Variants in PCDH11X observed in about 807,000 individuals in gnomAD.
PCDH11X encodes protocadherin 11 X-linked, also known as protocadherin-11 X-linked.
A neutral mutation model predicts 53.3 loss-of-function variants in PCDH11X; 18 were observed. The observed-to-expected ratio is 0.34, with a 90% confidence interval of 0.23 to 0.50. The LOEUF (loss-of-function observed/expected upper bound fraction) is 0.50. Among genes scored for constraint, PCDH11X ranks in the 20% least tolerant of loss-of-function variants. The pLI is 0.98. For synonymous variants in PCDH11X, 279 were observed against 393.3 expected, an observed-to-expected ratio of 0.71 and a Z score of 3.44; for missense variants, 570 against 1,032.4, an observed-to-expected ratio of 0.55 and a Z score of 6.14.
intron 8 of PCDH11X, among the ~76,000 whole-genome samples, chrX:92,327,322 G>C (rs1206990536): frequency 1.7e-5 from 1 of 59,916 alleles, no homozygotes; most frequent in Admixed American, 2.3e-4. Flanking sequence ...AATAAATGAT[G>C]CTTTAAAAAA....
intron 6 of PCDH11X, among the ~76,000 whole-genome samples, chrX:91,884,207 A>T (rs963738802): frequency 4.6e-5 from 5 of 109,192 alleles, no homozygotes; most frequent in African/African-American, 1.3e-4. Context: ...AAAAAAAAAA[A>T]AAAAAGAAAA....
intron 7 of PCDH11X, among the ~76,000 whole-genome samples, chrX:92,204,152 G>A (rs1005532831): frequency 8.9e-6 from 1 of 111,748 alleles, no homozygotes; most frequent in Admixed American, 9.5e-5. Context: ...GGCAGGGGCT[G>A]CCAGGAAGGT....
chrX:91,829,279 A>T (rs1209841058), intron 4 of PCDH11X, among the ~76,000 whole-genome samples: 2 of 109,419 alleles, frequency 1.8e-5, no homozygotes, highest in African/African-American at 6.8e-5. Context: ...TAAAACTCAT[A>T]GATATAATAC....
intron 6 of PCDH11X, among the ~76,000 whole-genome samples, chrX:91,920,363 A>G (rs1941702510): frequency 9.1e-6 from 1 of 109,666 alleles, no homozygotes; most frequent in Admixed American, 9.7e-5. Flanking sequence ...CATTTTCTCT[A>G]GAGCCTTCTA....
intron 6 of PCDH11X, among the ~76,000 whole-genome samples, chrX:92,039,674 T>C (rs2063181573): frequency 8.9e-6 from 1 of 111,868 alleles, no homozygotes; most frequent in South Asian, 3.7e-4. Context: ...GGCCTGGACT[T>C]AGGGACCCCA....
chrX:92,533,204 A>G (rs1163966252), intron 10 of PCDH11X, among the ~76,000 whole-genome samples: 3 of 111,592 alleles, frequency 2.7e-5, no homozygotes, highest in African/African-American at 9.8e-5. Context: ...CATAGCCATA[A>G]TACTTGTGAT....
intron 4 of PCDH11X, among the ~76,000 whole-genome samples, chrX:91,822,305 G>A (rs1936720453): frequency 9.5e-6 from 1 of 105,377 alleles, no homozygotes; most frequent in Non-Finnish European, 1.9e-5. Context: ...ATCTGGTCCT[G>A]GACTCTTTTT....
At chrX:92,227,706 T>C (rs1178858594) in intron 7 of PCDH11X, among the ~76,000 whole-genome samples, 1 of 111,054 alleles carries the variant, frequency 9.0e-6, no homozygotes, top group African/African-American at 3.3e-5. Context: ...AGTAAAACCA[T>C]TAGAGTTTCA....
intron 6 of PCDH11X, among the ~76,000 whole-genome samples, chrX:92,034,532 C>A (rs1415910377): frequency 4.7e-5 from 5 of 106,811 alleles, no homozygotes; most frequent in African/African-American, 1.7e-4. Context: ...GCCTTGAAAT[C>A]CATTTTGTCT....
rs201666869 is a variant in PCDH11X, at chrX:92,045,938, CA to C, written c.3034-155425del. Among the ~76,000 whole-genome samples, 145 of 90,491 alleles carry C rather than the reference CA, an allele frequency of 1.6e-3. 1 individual carries two copies. Among genetic ancestry groups the C allele is most frequent in the East Asian group, 6.2e-3 (17 of 2,763 alleles). The allele number at this position is 90,491 out of a possible 115,157, so 78.6% of individuals were successfully genotyped here. A position where few individuals can be genotyped will look rare whatever the true frequency, so the allele number is the denominator to read the frequency against. ...TGAGCAACAGAGCGAGACTCCATTA[CA>C]AAAAAAAAAAAGGAACAACACTTTC... is the stretch of plus-strand genomic sequence containing the variant. On this transcript the variant is annotated intron_variant, in intron 6 of 10. Transcript: ENST00000682573.
chrX:92,062,914 C>T (rs1479837660), intron 6 of PCDH11X, among the ~76,000 whole-genome samples: 1 of 111,456 alleles, frequency 9.0e-6, no homozygotes, highest in Non-Finnish European at 1.9e-5. Flanking sequence ...TGTTGCAGCA[C>T]TGTTCACAAT....
intron 9 of PCDH11X, among the ~76,000 whole-genome samples, chrX:92,425,800 A>G (rs1294827798): frequency 7.5e-5 from 6 of 80,500 alleles, no homozygotes; most frequent in Admixed American, 3.0e-4. Context: ...AGCTAAGTAG[A>G]CTGAGAAGAG....
chrX:92,251,611 A>G (rs757200205), intron 7 of PCDH11X, among the ~76,000 whole-genome samples: 102 of 111,142 alleles, frequency 9.2e-4, no homozygotes, highest in Non-Finnish European at 1.5e-3. Flanking sequence ...TGAGAATAAT[A>G]TTTTGCCCAC....
chrX:92,218,561 T>C (rs1186396508), intron 7 of PCDH11X, among the ~76,000 whole-genome samples: 1 of 110,679 alleles, frequency 9.0e-6, no homozygotes, highest in African/African-American at 3.3e-5. Flanking sequence ...ATCAATAGCT[T>C]ACCAACCAAA....
At chrX:92,216,462 A>C (rs1034644719) in intron 7 of PCDH11X, among the ~76,000 whole-genome samples, 1 of 104,844 alleles carries the variant, frequency 9.5e-6, no homozygotes, top group Non-Finnish European at 2.0e-5. Flanking sequence ...GCGATGGAAG[A>C]TGAAATGAAT....
intron 6 of PCDH11X, among the ~76,000 whole-genome samples, chrX:92,146,948 G>T (rs959757256): frequency 3.6e-5 from 4 of 110,616 alleles, no homozygotes; most frequent in Non-Finnish European, 7.5e-5. Context: ...GCAGTGAGCC[G>T]AGATCGCACC....
At chrX:92,031,600 C>T (rs1033440296) in intron 6 of PCDH11X, among the ~76,000 whole-genome samples, 1 of 111,590 alleles carries the variant, frequency 9.0e-6, no homozygotes, top group African/African-American at 3.3e-5. Context: ...TTCTTGTGTT[C>T]ATTTCATAAT....
At chrX:92,071,847 C>T (rs1231001605) in intron 6 of PCDH11X, among the ~76,000 whole-genome samples, 1 of 112,163 alleles carries the variant, frequency 8.9e-6, no homozygotes, top group East Asian at 2.8e-4. Flanking sequence ...GTGGCCACTA[C>T]CACTGGGACT....
chrX:92,432,009 C>T (rs1468240574), intron 9 of PCDH11X, among the ~76,000 whole-genome samples: 3 of 109,685 alleles, frequency 2.7e-5, no homozygotes, highest in East Asian at 2.9e-4. Context: ...GCCTCAGAAA[C>T]GCACCACCCA....
Sources: gnomAD v4.1 joint callset for allele counts (sites outside exome capture counted in the v4.1 genomes callset) on GRCh38, gnomAD v4.1.1 for gene constraint, MANE v1.5 for transcripts, NCBI Gene and HGNC (gene_info 2026-07-23, HGNC 2026-07-21) for gene names.